SCHIP1: variants seen among roughly 807,000 people sequenced by gnomAD.
SCHIP1 encodes schwannomin-interacting protein 1.
Under a neutral mutation model 29.7 loss-of-function variants are expected in SCHIP1, and 8 were observed. The ratio of observed to expected loss-of-function variants is 0.27; its 90% CI spans 0.16 to 0.49. The LOEUF (loss-of-function observed/expected upper bound fraction) is 0.49. Among genes scored for constraint, SCHIP1 ranks in the 20% least tolerant of loss-of-function variants. The pLI, the probability that SCHIP1 is intolerant of heterozygous loss-of-function variation, is 0.99. For missense variants in SCHIP1, 193 were observed against 294.6 expected, an observed-to-expected ratio of 0.66 and a Z score of 2.52; for synonymous variants, 76 against 94.9, an observed-to-expected ratio of 0.80 and a Z score of 1.16.
chr3:159,626,089 TATAGATAGATAGATAGATAGATAGATAG>T, the SCHIP1 span, among the ~76,000 whole-genome samples: 1 of 98,106 alleles, frequency 1.0e-5, no homozygotes, highest in East Asian at 2.8e-4. Context: ...GTGCAGCTTA[TATAGATAGATAGATAGATAGATAGATAG>T]ATAGATAGAT....
chr3:159,659,391 T>A, the SCHIP1 span, among the ~76,000 whole-genome samples: 1 of 152,166 alleles, frequency 6.6e-6, no homozygotes, highest in Non-Finnish European at 1.5e-5. Flanking sequence ...AGACTGCTTG[T>A]GAATGTGTGA....
intron 5 of SCHIP1, among the ~76,000 whole-genome samples, chr3:159,889,849 C>A (rs2109474238): frequency 6.6e-6 from 1 of 152,254 alleles, no homozygotes; most frequent in Middle Eastern, 3.4e-3. Context: ...GTGATCCCAG[C>A]ACTTTGGGAG....
At chr3:159,385,598 A>G in the SCHIP1 span, among the ~76,000 whole-genome samples, 2 of 151,996 alleles carry the variant, frequency 1.3e-5, no homozygotes, top group African/African-American at 4.8e-5. Flanking sequence ...ACCAAAAAAA[A>G]AAAAAACCCA....
chr3:159,750,717 A>G, the SCHIP1 span, among the ~76,000 whole-genome samples: 1 of 152,250 alleles, frequency 6.6e-6, no homozygotes, highest in African/African-American at 2.4e-5. Context: ...ATCTGCTTGA[A>G]ACACTACCAG....
chr3:159,513,083 G>A, the SCHIP1 span, among the ~76,000 whole-genome samples: 1 of 152,160 alleles, frequency 6.6e-6, no homozygotes, highest in East Asian at 1.9e-4. Context: ...TAAGGTGTTT[G>A]TTTTAAAGTA....
chr3:159,741,387 T>C, the SCHIP1 span, among the ~76,000 whole-genome samples: 1 of 152,228 alleles, frequency 6.6e-6, no homozygotes, highest in Non-Finnish European at 1.5e-5. Flanking sequence ...TCCACTGACA[T>C]GCACCAGTTT....
the SCHIP1 span, among the ~76,000 whole-genome samples, chr3:159,805,198 G>A: frequency 6.6e-6 from 1 of 152,190 alleles, no homozygotes; most frequent in South Asian, 2.1e-4. Flanking sequence ...CTAAAAGAAG[G>A]AGAGTGGTGT....
At chr3:159,871,270 C>G (rs540113496) in intron 2 of SCHIP1, among the ~76,000 whole-genome samples, 4 of 150,244 alleles carry the variant, frequency 2.7e-5, no homozygotes, top group African/African-American at 9.8e-5. Flanking sequence ...GAGAGCCCTT[C>G]CCTGACCACC....
At chr3:159,609,190 T>G in the SCHIP1 span, among the ~76,000 whole-genome samples, 1 of 152,030 alleles carries the variant, frequency 6.6e-6, no homozygotes, top group East Asian at 1.9e-4. Flanking sequence ...TCAAGAAAGG[T>G]TCCACAAAGG....
chr3:159,506,973 T>C, the SCHIP1 span, among the ~76,000 whole-genome samples: 1 of 152,212 alleles, frequency 6.6e-6, no homozygotes. Flanking sequence ...CCATATGAAC[T>C]TTAAAATAGT....
the SCHIP1 span, among the ~76,000 whole-genome samples, chr3:159,586,224 T>A: frequency 1.1e-4 from 16 of 152,110 alleles, no homozygotes; most frequent in Admixed American, 3.3e-4. Context: ...TGTCTATTTC[T>A]CCAGCTGTCC....
the SCHIP1 span, among the ~76,000 whole-genome samples, chr3:159,448,343 C>T: frequency 4.7e-4 from 71 of 152,128 alleles, no homozygotes; most frequent in South Asian, 1.2e-3. Flanking sequence ...TGGTGGTGCA[C>T]GCCTGTAATC....
At chr3:159,661,141 G>A in the SCHIP1 span, among the ~76,000 whole-genome samples, 1 of 152,128 alleles carries the variant, frequency 6.6e-6, no homozygotes, top group Non-Finnish European at 1.5e-5. Context: ...TATGCAAAAA[G>A]GGGGCAATAA....
At chr3:159,619,243 A>C in the SCHIP1 span, among the ~76,000 whole-genome samples, 2 of 152,334 alleles carry the variant, frequency 1.3e-5, no homozygotes, top group Admixed American at 6.5e-5. Flanking sequence ...AGAGCAACTG[A>C]CTGAAGCACT....
At chr3:159,758,156 C>T in the SCHIP1 span, among the ~76,000 whole-genome samples, 2 of 151,848 alleles carry the variant, frequency 1.3e-5, no homozygotes, top group South Asian at 2.1e-4. Context: ...TACAGACTTA[C>T]ATTTTTTTTT....
the SCHIP1 span, among the ~76,000 whole-genome samples, chr3:159,673,559 T>C: frequency 1.3e-5 from 2 of 152,230 alleles, no homozygotes; most frequent in Admixed American, 6.5e-5. Context: ...GAAAGAACTT[T>C]GGAAAGTTCT....
the SCHIP1 span, among the ~76,000 whole-genome samples, chr3:159,481,485 G>A: frequency 6.6e-6 from 1 of 151,948 alleles, no homozygotes; most frequent in Non-Finnish European, 1.5e-5. Flanking sequence ...ATAAAATTTT[G>A]GTATCTCCCA....
the SCHIP1 span, among the ~76,000 whole-genome samples, chr3:159,534,673 A>G: frequency 1.3e-5 from 2 of 152,210 alleles, no homozygotes; most frequent in Non-Finnish European, 2.9e-5. Context: ...ACCAGAATTC[A>G]GAAACAGTCA....
chr3:159,502,055 A>C, the SCHIP1 span, among the ~76,000 whole-genome samples: 1 of 152,252 alleles, frequency 6.6e-6, no homozygotes, highest in Non-Finnish European at 1.5e-5. Context: ...AACTCGATAT[A>C]GAGAAATTTC....
Sources: gnomAD v4.1 joint callset for allele counts (sites outside exome capture counted in the v4.1 genomes callset) on GRCh38, gnomAD v4.1.1 for gene constraint, MANE v1.5 for transcripts, NCBI Gene and HGNC (gene_info 2026-07-23, HGNC 2026-07-21) for gene names.